Variants in HOOK2 observed in about 807,000 individuals in gnomAD.
HOOK2 encodes the protein hook microtubule tethering protein 2.
In HOOK2, 108 loss-of-function variants were observed where a neutral mutation model predicts 111.9. The observed-to-expected ratio is 0.96, with a 90% confidence interval of 0.83 to 1.13. The LOEUF is 1.13. Ranked by LOEUF, HOOK2 falls within the 50% of genes most tolerant of loss-of-function variation. The pLI, the probability that HOOK2 is intolerant of heterozygous loss-of-function variation, is 0.00. For missense variants in HOOK2, 978 were observed against 951.3 expected (o/e 1.03, Z -0.37); for synonymous variants, 405 against 394.3 (o/e 1.03, Z -0.32).
At chr19:12,788,466 G>A (rs1430359194) in intron 3 of HOOK2, among the ~76,000 whole-genome samples, 2 of 152,114 alleles carry the variant, frequency 1.3e-5, no homozygotes, top group African/African-American at 4.8e-5. Context: ...CACTGTCTGC[G>A]TGACACTAAC....
rs184223914 is a variant in HOOK2, at chr19:12,772,234, G to A, written c.475C>T (p.Pro159Ser). 4.5e-5 allele frequency: 72 copies of A among 1,614,112 alleles called. No homozygotes were observed. The African/African-American group carries it at 7.3e-4, about 16-fold the overall frequency. The change falls in exon 7 of 23, where the codon CCT becomes TCT. Residue 159 changes from proline (P) to serine (S), a missense_variant. Pro to Ser is a moderately conservative substitution (Grantham distance 74). This residue lies in a region of HOOK2 where 301 missense variants were observed against 286.1 expected (regional missense o/e 1.05). Transcript: ENST00000397668. ...TACGTCTCTGGTGACAGGGAGTCAGGAGTGTCTTTGGTCATGAGCTGAGGA... is the reference window on the plus strand; with the variant it reads ...TACGTCTCTGGTGACAGGGAGTCAGAAGTGTCTTTGGTCATGAGCTGAGGA... ...AIQELMTKDT[P>S]DSLSPETYGN...
upstream of HOOK2, among the ~76,000 whole-genome samples, chr19:12,781,485 C>T (rs1968601248): frequency 2.0e-5 from 3 of 151,480 alleles, no homozygotes; most frequent in Non-Finnish European, 4.4e-5. Context: ...CGCCACTACG[C>T]CTGGCTAATT....
chr19:12,769,075 C>G (rs1968239424), intron 11 of HOOK2, among the ~76,000 whole-genome samples: 1 of 151,784 alleles, frequency 6.6e-6, no homozygotes, highest in South Asian at 2.1e-4. Flanking sequence ...ACACCATTCT[C>G]CTGCCTCAGC....
chr19:12,780,260 C>G (rs1034590762), upstream of HOOK2, among the ~76,000 whole-genome samples: 2 of 152,170 alleles, frequency 1.3e-5, no homozygotes, highest in African/African-American at 2.4e-5. Context: ...GGGTGGGGCT[C>G]TCTCACTCCA....
intron 3 of HOOK2, among the ~76,000 whole-genome samples, chr19:12,784,213 G>A (rs766334116): frequency 3.9e-5 from 6 of 152,130 alleles, no homozygotes; most frequent in Non-Finnish European, 7.4e-5. Context: ...AGGGTGACCA[G>A]ACAGGGGGCG....
At position 12,773,148 on chromosome 19, in the gene HOOK2, T is replaced by C. The variant is rs1330013134; in HGVS notation, c.205-104A>G. The C allele has an allele frequency of 1.7e-5, 19 of 1,136,608 alleles. No homozygotes were observed. The East Asian group carries it at 4.5e-4, about 27-fold the overall frequency. The allele number at this position is 1,136,608 out of a possible 1,614,324, so 70.4% of individuals were successfully genotyped here. ...CACTTCTCCTTCCCTGCTCATCTCA[T>C]CCTATTCTGTCTGCGTGCGCCTTCC... On this transcript the variant is annotated intron_variant, in intron 3 of 22. Transcript: ENST00000397668.
chr19:12,784,854 A>G (rs1968641194), intron 3 of HOOK2: 1 of 152,380 alleles, frequency 6.6e-6, no homozygotes, highest in South Asian at 2.1e-4. Flanking sequence ...AGGGACAGAG[A>G]TGATGTGTTC....
Position 12,764,895 on chromosome 19 carries a change from C to T in HOOK2, c.1746G>A (p.Leu582=), listed in dbSNP as rs752831299. The T allele has an allele frequency of 2.4e-5, 39 of 1,614,084 alleles. 1 individual carries two copies. The South Asian group carries it at 4.0e-4, about 16-fold the overall frequency. ...DSSTARRIEE[L]QHNLQKKDAD... is the part of the protein sequence containing the mutation. Reference sequence around the variant, plus strand: ...CGTCCTTCTTCTGCAAGTTATGCTGCAGCTCCTCGATCCGCCGGGCTGCTG... The same window carrying T: ...CGTCCTTCTTCTGCAAGTTATGCTGTAGCTCCTCGATCCGCCGGGCTGCTG... Residue 582 remains leucine, a synonymous_variant, in exon 20 of 23, where the codon CTG becomes CTA. Coordinates refer to ENST00000397668, the MANE Select transcript of HOOK2 (RefSeq NM_013312.3).
chr19:12,770,889 C>T, intron 10 of HOOK2, 43 bp downstream of exon 10: 1 of 1,559,880 alleles, frequency 6.4e-7, no homozygotes, highest in Non-Finnish European at 8.7e-7. Context: ...AACAGGTTTA[C>T]CCCCCGCCCC....
chr19:12,775,504 C>G lies in HOOK2; in HGVS notation c.-55G>C. 6.4e-7 allele frequency: 1 copy of G among 1,574,700 alleles called. No individual in the cohort carries two copies. Among genetic ancestry groups the G allele is most frequent in the Non-Finnish European group, 8.6e-7 (1 of 1,163,234 alleles). On this transcript the variant is annotated 5_prime_UTR_variant, in exon 1 of 23. Coordinates refer to ENST00000397668, the MANE Select transcript of HOOK2 (RefSeq NM_013312.3). ...GGAGCCCCGGCGCCGCAGCAGCCTC[C>G]GGGTCCGCCACCAGCGAGCGCCCGC...
intron 11 of HOOK2, 115 bp from the exon 12 acceptor site, chr19:12,768,238 A>G (rs780279886): frequency 9.8e-6 from 8 of 814,554 alleles, no homozygotes; most frequent in Non-Finnish European, 1.6e-5. Flanking sequence ...TGACTTTACT[A>G]TGGTGCTTTC....
upstream of HOOK2, chr19:12,775,554 G>T: frequency 8.2e-7 from 1 of 1,216,992 alleles, no homozygotes; most frequent in Non-Finnish European, 1.1e-6. Flanking sequence ...GCTCGGCCTA[G>T]AGCGCCGCCC....
intron 1 of HOOK2, chr19:12,775,170 C>G (rs1968461449): frequency 1.0e-6 from 1 of 984,534 alleles, no homozygotes; most frequent in South Asian, 4.7e-5. Flanking sequence ...GGCCAATTCA[C>G]CTGTGTCCTC....
upstream of HOOK2, among the ~76,000 whole-genome samples, chr19:12,777,956 G>A (rs1240581516): frequency 1.3e-5 from 2 of 152,264 alleles, no homozygotes; most frequent in African/African-American, 4.8e-5. Context: ...GTCTCCAGAT[G>A]GCAAGTGCTG....
At chr19:12,780,015 T>C (rs1016212368), upstream of HOOK2, among the ~76,000 whole-genome samples, 3 of 151,994 alleles carry the variant, frequency 2.0e-5, no homozygotes, top group Non-Finnish European at 2.9e-5. Context: ...CCAGGCGTGG[T>C]GGTGAGCGCC....
intron 7 of HOOK2, chr19:12,771,746 G>T (rs1380054471): frequency 6.3e-6 from 3 of 476,978 alleles, no homozygotes; most frequent in Non-Finnish European, 1.2e-5. Flanking sequence ...GCCGGGTGTG[G>T]TGGCGTGTGC....
chr19:12,781,088 T>G (rs1185175923), upstream of HOOK2, among the ~76,000 whole-genome samples: 138 of 134,462 alleles, frequency 1.0e-3, no homozygotes, highest in Middle Eastern at 0.011. Context: ...GGATCAGGAG[T>G]TCAGGAGATC....
chr19:12,773,063 CTG>C lies in HOOK2; in HGVS notation c.205-21_205-20del, dbSNP rs1280806339. On this transcript the variant is annotated intron_variant, in intron 3 of 22. Coordinates refer to ENST00000397668, the MANE Select transcript of HOOK2 (RefSeq NM_013312.3). ...TGCTGACCTAGGGAGGAACAAGGAA[CTG>C]TGGACAAGTTCAGAGGCCTCCCACT... is the stretch of plus-strand genomic sequence containing the variant. The C allele has an allele frequency of 6.2e-7, 1 of 1,613,840 alleles. No homozygotes were observed. The highest frequency in any genetic ancestry group is 1.3e-5 in the African/African-American group (1 of 75,024).
chr19:12,782,710 G>A (rs1485748949), upstream of HOOK2, among the ~76,000 whole-genome samples: 1 of 152,114 alleles, frequency 6.6e-6, no homozygotes, highest in East Asian at 1.9e-4. Context: ...GGCAGGACCA[G>A]CCCCGCCCCG....
Sources: gnomAD v4.1 joint callset for allele counts (sites outside exome capture counted in the v4.1 genomes callset) on GRCh38, gnomAD v4.1.1 for gene constraint, gnomAD v4.1.1 regional missense constraint, MANE v1.5 for transcripts, NCBI Gene and HGNC (gene_info 2026-07-23, HGNC 2026-07-21) for gene names.